The following SESN2 variants were observed in gnomAD, a reference collection of about 807,000 sequenced individuals.
The protein encoded by SESN2 is sestrin 2, also known as sestrin-2.
A neutral mutation model predicts 56.0 loss-of-function variants in SESN2; 42 were observed. The ratio of observed to expected loss-of-function variants is 0.75; its 90% CI spans 0.59 to 0.97. The LOEUF (loss-of-function observed/expected upper bound fraction) is 0.97. Among genes scored for constraint, SESN2 ranks in the 50% least tolerant of loss-of-function variants. The pLI is 0.00. For missense variants in SESN2, 507 were observed against 649.4 expected (o/e 0.78, Z 2.38); for synonymous variants, 264 against 267.1 (o/e 0.99, Z 0.11).
At chr1:28,279,735 C>T (rs1010330831) in intron 9 of SESN2, among the ~76,000 whole-genome samples, 6 of 151,722 alleles carry the variant, frequency 4.0e-5, no homozygotes, top group Non-Finnish European at 7.4e-5. Flanking sequence ...TTAGTAGAGA[C>T]GGGGTTTCAC....
rs561305358 is a variant in SESN2 at position 28,263,212 on chromosome 1, A to G, written c.90+3275A>G. On this transcript the variant is annotated intron_variant, in intron 1 of 9. Transcript: ENST00000253063. ...GTGGAGTCAGATCTGAATTGTGCCC[A>G]TTTGGAAGAGGACCTTTCTGAGCCT... Among the ~76,000 whole-genome samples, 11 of 152,236 alleles carry G rather than the reference A, an allele frequency of 7.2e-5. No homozygotes were observed. The East Asian group carries it at 1.5e-3, about 21-fold the overall frequency.
At chr1:28,276,726 T>A (rs1247223553) in intron 8 of SESN2, among the ~76,000 whole-genome samples, 2 of 149,698 alleles carry the variant, frequency 1.3e-5, no homozygotes, top group Non-Finnish European at 1.5e-5. Context: ...ATTACCAGCA[T>A]GTGCCACCAC....
intron 2 of SESN2, among the ~76,000 whole-genome samples, chr1:28,269,968 T>G (rs1647699387): frequency 6.6e-6 from 1 of 152,238 alleles, no homozygotes. Flanking sequence ...TACATTCTAG[T>G]GTGTTGGGAT....
At chr1:28,269,571 C>A (rs1206300348) in intron 2 of SESN2, among the ~76,000 whole-genome samples, 2 of 151,958 alleles carry the variant, frequency 1.3e-5, no homozygotes, top group East Asian at 3.8e-4. Flanking sequence ...TCATCCATGA[C>A]CATACATATA....
chr1:28,261,072 A>G (rs1479869843), intron 1 of SESN2, among the ~76,000 whole-genome samples: 1 of 152,100 alleles, frequency 6.6e-6, no homozygotes, highest in Non-Finnish European at 1.5e-5. Flanking sequence ...TAGTTGCTTT[A>G]GTTTACAGGC....
intron 8 of SESN2, among the ~76,000 whole-genome samples, chr1:28,278,199 ACCT>A (rs1315282019): frequency 6.6e-6 from 1 of 151,622 alleles, no homozygotes; most frequent in Non-Finnish European, 1.5e-5. Flanking sequence ...TCCTCCACTG[ACCT>A]CCTCCTCTAC....
intron 2 of SESN2, among the ~76,000 whole-genome samples, chr1:28,270,607 T>C (rs546931108): frequency 2.6e-5 from 4 of 152,242 alleles, no homozygotes; most frequent in Non-Finnish European, 5.9e-5. Context: ...GTTTTGTTCT[T>C]GTTGCCCAGG....
At chr1:28,275,136 TC>T (rs1265874102) in intron 8 of SESN2, 121 bp downstream of exon 8, 1 of 684,114 alleles carries the variant, frequency 1.5e-6, no homozygotes, top group Non-Finnish European at 2.3e-6. Flanking sequence ...ATACTGTTTT[TC>T]AAAGCAAATT....
chr1:28,259,626 G>C lies in SESN2; in HGVS notation c.-222G>C. Reference sequence around the variant, plus strand: ...ACCCCTGCGCTGCGGCCCTTCCCAGGCCCCCGAGGCCGTTCGCCGTTCCCG... The same window carrying C: ...ACCCCTGCGCTGCGGCCCTTCCCAGCCCCCCGAGGCCGTTCGCCGTTCCCG... On this transcript the variant is annotated 5_prime_UTR_variant, in exon 1 of 10. Coordinates refer to ENST00000253063, the MANE Select transcript of SESN2 (RefSeq NM_031459.5). 2 of 435,540 alleles carry C rather than the reference G, an allele frequency of 4.6e-6. No homozygotes were observed. The highest frequency in any genetic ancestry group is 4.1e-6 in the Non-Finnish European group (1 of 246,142). 27.0% of individuals were successfully genotyped at this position (435,540 alleles called of 1,614,324 possible).
rs1648263306 is a variant in SESN2 at position 28,281,967 on chromosome 1, C to T, written c.*1165C>T. 6.6e-6 allele frequency: 1 copy of T among 152,332 alleles called. No individual in the cohort carries two copies. The highest frequency in any genetic ancestry group is 2.1e-4 in the South Asian group (1 of 4,834). 9.4% of individuals were successfully genotyped at this position (152,332 alleles called of 1,614,324 possible). ...AAGATCAGGGACCCCATTTCTGCAG[C>T]CAGTGTCTCCTGGGTGCCTTCTGAG... On this transcript the variant is annotated 3_prime_UTR_variant, in exon 10 of 10. Coordinates refer to ENST00000253063, the MANE Select transcript of SESN2 (RefSeq NM_031459.5).
chr1:28,274,044 C>T lies in SESN2; in HGVS notation c.906C>T (p.Asp302=), dbSNP rs374949115. ...SESLLVTPSA[D]ILEPSPHPDM... The stretch of plus-strand genomic sequence containing the variant: ...TGACCTCTTTCTGGTCCTCAGCTGA[C>T]ATCCTGGAGCCCTCTCCACACCCAG... Residue 302 remains aspartate (D), a synonymous_variant, in exon 7 of 10, where the codon GAC becomes GAT. Coordinates refer to ENST00000253063, the MANE Select transcript of SESN2 (RefSeq NM_031459.5). 2.5e-6 allele frequency: 4 copies of T among 1,609,668 alleles called. No homozygotes were observed. The highest frequency in any genetic ancestry group is 3.4e-6 in the Non-Finnish European group (4 of 1,175,942).
At chr1:28,279,338 C>A in intron 9 of SESN2, 97 bp downstream of exon 9, 1 of 1,311,052 alleles carries the variant, frequency 7.6e-7, no homozygotes, top group South Asian at 1.3e-5. Flanking sequence ...CAGACTGAGT[C>A]TGTCCTGCTA....
intron 5 of SESN2, among the ~76,000 whole-genome samples, chr1:28,273,031 A>G (rs926951836): frequency 1.3e-5 from 2 of 152,234 alleles, no homozygotes; most frequent in Non-Finnish European, 2.9e-5. Context: ...CACTGTGTAT[A>G]TGCCATAGGC....
chr1:28,275,236 T>C (rs1647990076), intron 8 of SESN2, among the ~76,000 whole-genome samples: 1 of 152,152 alleles, frequency 6.6e-6, no homozygotes, highest in South Asian at 2.1e-4. Context: ...TTGTTTGATA[T>C]TTATGTACAT....
chr1:28,265,124 A>G (rs1160088171), intron 1 of SESN2, among the ~76,000 whole-genome samples: 1 of 152,188 alleles, frequency 6.6e-6, no homozygotes, highest in African/African-American at 2.4e-5. Context: ...CAGGTAGTGC[A>G]TGTGAAATTA....
intron 1 of SESN2, among the ~76,000 whole-genome samples, chr1:28,266,008 G>A (rs1032366748): frequency 6.6e-6 from 1 of 152,144 alleles, no homozygotes; most frequent in African/African-American, 2.4e-5. Context: ...CTGTTTATCA[G>A]ATTCTGAATT....
At chr1:28,273,616 C>T (rs929665664) in intron 6 of SESN2, 108 bp downstream of exon 6, 22 of 1,105,204 alleles carry the variant, frequency 2.0e-5, no homozygotes, top group African/African-American at 3.2e-5. Context: ...CTCAACCTCC[C>T]GTCCAAGAGG....
rs1480268657 is a variant in SESN2, at chr1:28,280,948, C to T, written c.*146C>T. 3 of 633,984 alleles carry T rather than the reference C, an allele frequency of 4.7e-6. No individual in the cohort carries two copies. Among genetic ancestry groups the T allele is most frequent in the African/African-American group, 1.8e-5 (1 of 55,626 alleles). The allele number at this position is 633,984 out of a possible 1,614,324, so 39.3% of individuals were successfully genotyped here. A position where few individuals can be genotyped will look rare whatever the true frequency, so the allele number is the denominator to read the frequency against. On this transcript the variant is annotated 3_prime_UTR_variant, in exon 10 of 10. Coordinates refer to ENST00000253063, the MANE Select transcript of SESN2 (RefSeq NM_031459.5). The stretch of plus-strand genomic sequence containing the variant: ...ATGTGCAGTCCCGAAGCCACACCCT[C>T]CCTTTTCCTCACTGGAATGGACAGT...
Position 28,275,008 on chromosome 1 carries a change from G to A in SESN2, c.1204G>A (p.Gly402Ser), listed in dbSNP as rs1647980842. The change falls in exon 8 of 10, where the codon GGC (glycine) becomes AGC (serine). Residue 402 changes from glycine (G) to serine (S), a missense_variant. By Grantham distance (56) the Gly-to-Ser change is moderately conservative. Transcript: ENST00000253063. Reference protein sequence around the residue: ...AIWNYIHCVFGIRYDDYDYGE... With the variant: ...AIWNYIHCVFSIRYDDYDYGE... ...CTGGAACTATATCCACTGCGTCTTT[G>A]GCATCAGGTGAGCTCATATCCCTTC... is the stretch of plus-strand genomic sequence containing the variant. 1.2e-6 allele frequency: 2 copies of A among 1,612,192 alleles called. No individual in the cohort carries two copies. The highest frequency in any genetic ancestry group is 1.3e-5 in the African/African-American group (1 of 74,906).
Sources: gnomAD v4.1 joint callset for allele counts (sites outside exome capture counted in the v4.1 genomes callset) on GRCh38, gnomAD v4.1.1 for gene constraint, MANE v1.5 for transcripts, NCBI Gene and HGNC (gene_info 2026-07-23, HGNC 2026-07-21) for gene names.